FAM135B: variants seen among roughly 807,000 people sequenced by gnomAD.
FAM135B encodes the protein protein FAM135B.
In FAM135B, 43 loss-of-function variants were observed where a neutral mutation model predicts 127.7. That is an observed-to-expected ratio of 0.34 (90% confidence interval 0.26 to 0.43). The LOEUF is 0.43. FAM135B is among the 20% of genes least tolerant of loss of function. The pLI is 1.00. For synonymous variants in FAM135B, 670 were observed against 665.1 expected, an observed-to-expected ratio of 1.01 and a Z score of -0.11; for missense variants, 1,558 against 1,725.6, an observed-to-expected ratio of 0.90 and a Z score of 1.72.
At chr8:138,439,409 C>T (rs556963175) in intron 1 of FAM135B, 5 of 152,184 alleles carry the variant, frequency 3.3e-5, no homozygotes, top group Admixed American at 1.3e-4. Flanking sequence ...CATTCCACTA[C>T]ACCATGTGAC....
chr8:138,174,198 C>T (rs778781209), intron 11 of FAM135B, among the ~76,000 whole-genome samples: 3 of 152,120 alleles, frequency 2.0e-5, no homozygotes, highest in East Asian at 1.9e-4. Flanking sequence ...GTCCACTAAA[C>T]GATTGTGACC....
rs753145770 is a variant in FAM135B at position 138,143,087 on chromosome 8, T to C, written c.3563A>G (p.Asp1188Gly). The C allele has an allele frequency of 6.2e-7, 1 of 1,606,782 alleles. No individual in the cohort carries two copies. The highest frequency in any genetic ancestry group is 1.3e-5 in the African/African-American group (1 of 74,868). ...ATCCAATAACCGATCCGTCATAGTA[T>C]CAAAATCTGCAAATGTGTCCATCTG... The part of the protein sequence containing the change: ...KNQMDTFADF[D>G]TMTDRLLDEI... The change falls in exon 16 of 20, where the codon GAT becomes GGT. Residue 1188 changes from aspartate (D) to glycine (G), a missense_variant. Around this residue, in one of 5 missense-constraint regions of FAM135B, gnomAD observed 194 missense variants for 333.8 expected, o/e 0.58. Transcript: ENST00000395297.
chr8:138,215,688 C>A (rs187480947), intron 7 of FAM135B, among the ~76,000 whole-genome samples: 53 of 152,310 alleles, frequency 3.5e-4, no homozygotes, highest in African/African-American at 1.2e-3. Context: ...ACCCCCAAAT[C>A]ATGTTGCATT....
chr8:138,238,896 T>C (rs1820509388), intron 7 of FAM135B, among the ~76,000 whole-genome samples: 1 of 152,190 alleles, frequency 6.6e-6, no homozygotes, highest in Non-Finnish European at 1.5e-5. Flanking sequence ...AATCAAGTCC[T>C]GAAAATAACC....
chr8:138,329,742 G>A (rs1828039724), intron 2 of FAM135B, among the ~76,000 whole-genome samples: 1 of 152,100 alleles, frequency 6.6e-6, no homozygotes, highest in South Asian at 2.1e-4. Context: ...GCAGTAGGTG[G>A]GAGAACTCAG....
intron 1 of FAM135B, among the ~76,000 whole-genome samples, chr8:138,382,897 G>A (rs1215977548): frequency 6.6e-6 from 1 of 152,128 alleles, no homozygotes; most frequent in Non-Finnish European, 1.5e-5. Context: ...AATCTTGCTG[G>A]CAAGAAGTTG....
chr8:138,311,833 A>C (rs1313400421), intron 2 of FAM135B, among the ~76,000 whole-genome samples: 1 of 152,150 alleles, frequency 6.6e-6, no homozygotes, highest in Non-Finnish European at 1.5e-5. Context: ...AACAAAAATG[A>C]AGAGAAAAGG....
At chr8:138,238,919 C>T (rs957784103) in intron 7 of FAM135B, among the ~76,000 whole-genome samples, 1 of 152,172 alleles carries the variant, frequency 6.6e-6, no homozygotes, top group Non-Finnish European at 1.5e-5. Flanking sequence ...TTGAGCTAAA[C>T]TCCATGAGCA....
At chr8:138,495,456 T>C (rs181256869) in intron 1 of FAM135B, among the ~76,000 whole-genome samples, 1 of 152,178 alleles carries the variant, frequency 6.6e-6, no homozygotes, top group East Asian at 1.9e-4. Flanking sequence ...CCAAATCACA[T>C]CCCCTTGGGT....
chr8:138,263,063 G>A (rs1822660420), intron 4 of FAM135B, among the ~76,000 whole-genome samples: 1 of 151,914 alleles, frequency 6.6e-6, no homozygotes, highest in South Asian at 2.1e-4. Context: ...CTGGAGCTGG[G>A]GCCTTTGGAA....
At chr8:138,166,096 G>T (rs1333458580) in intron 12 of FAM135B, among the ~76,000 whole-genome samples, 3 of 152,164 alleles carry the variant, frequency 2.0e-5, no homozygotes, top group Admixed American at 6.5e-5. Context: ...GTTGAACGTC[G>T]GCTTTAATAA....
intron 3 of FAM135B, among the ~76,000 whole-genome samples, chr8:138,290,222 G>C (rs139419887): frequency 5.9e-5 from 9 of 152,288 alleles, no homozygotes; most frequent in Non-Finnish European, 1.3e-4. Context: ...GGAAGTGAAG[G>C]TGCGGTCGGA....
intron 12 of FAM135B, among the ~76,000 whole-genome samples, chr8:138,167,153 T>C (rs1273187310): frequency 6.6e-6 from 1 of 152,030 alleles, no homozygotes; most frequent in African/African-American, 2.4e-5. Context: ...GCTAACTCCA[T>C]ACAGACAGTT....
At chr8:138,442,448 T>A (rs1519388) in intron 1 of FAM135B, among the ~76,000 whole-genome samples, 67,552 of 150,680 alleles carry the variant, frequency 0.45, 15,878 homozygotes, top group African/African-American at 0.49. Context: ...CTGTTTAACA[T>A]CCTCTTTCAA....
At chr8:138,405,421 T>A (rs1306506742) in intron 1 of FAM135B, among the ~76,000 whole-genome samples, 3 of 142,496 alleles carry the variant, frequency 2.1e-5, no homozygotes, top group African/African-American at 7.7e-5. Flanking sequence ...TGTCCATGTG[T>A]TCTCATTGTT....
intron 7 of FAM135B, among the ~76,000 whole-genome samples, chr8:138,199,730 G>A (rs1379687388): frequency 3.9e-5 from 6 of 152,120 alleles, no homozygotes; most frequent in Non-Finnish European, 8.8e-5. Context: ...ATATTACATG[G>A]CATGAGGAGA....
intron 7 of FAM135B, among the ~76,000 whole-genome samples, chr8:138,208,854 G>T (rs1817915163): frequency 6.6e-6 from 1 of 152,114 alleles, no homozygotes; most frequent in Non-Finnish European, 1.5e-5. Context: ...ATTGCCAAGA[G>T]ATTTTGACCT....
At position 138,139,098 on chromosome 8, in the gene FAM135B, TA is replaced by T; in HGVS notation, c.3791-3del. 1 of 1,584,038 alleles carries T rather than the reference TA, an allele frequency of 6.3e-7. No individual in the cohort carries two copies. The highest frequency in any genetic ancestry group is 1.8e-5 in the Admixed American group (1 of 56,856). ...TCAGTTTCTGCATGAGCCATAAGCC[TA>T]GGAAGACAAAAACAAAATAAAAATC... On this transcript the variant is annotated splice_polypyrimidine_tract_variant and splice_region_variant and intron_variant, in intron 17 of 19. Transcript: ENST00000395297.
chr8:138,144,727 A>C (rs910238221), intron 15 of FAM135B, among the ~76,000 whole-genome samples: 4 of 152,182 alleles, frequency 2.6e-5, no homozygotes, highest in African/African-American at 9.6e-5. Flanking sequence ...CTGAGTGGCC[A>C]ACTCCTGCAA....
Sources: allele counts gnomAD v4.1 joint callset (sites outside exome capture counted in the v4.1 genomes callset), GRCh38; gene constraint gnomAD v4.1.1; regional missense constraint gnomAD v4.1.1; transcripts MANE v1.5; gene names NCBI Gene and HGNC (gene_info 2026-07-23, HGNC 2026-07-21).